PPARG: variants seen among roughly 807,000 people sequenced by gnomAD.
The protein encoded by PPARG is peroxisome proliferator-activated receptor gamma.
Under a neutral mutation model 39.2 loss-of-function variants are expected in PPARG, and 17 were observed. The ratio of observed to expected loss-of-function variants is 0.43; its 90% CI spans 0.30 to 0.65. The LOEUF (loss-of-function observed/expected upper bound fraction) is 0.65. Among genes scored for constraint, PPARG ranks in the 30% least tolerant of loss-of-function variants. The probability of loss-of-function intolerance (pLI) is 0.13; values close to 1 mark genes in which losing one functional copy is unlikely to be tolerated. For missense variants in PPARG, 406 were observed against 585.9 expected (o/e 0.69, Z 3.17); for synonymous variants, 223 against 215.7 (o/e 1.03, Z -0.30).
intron 1 of PPARG, among the ~76,000 whole-genome samples, chr3:12,301,044 T>TTGATCACAAAAACATA (rs1280669542): frequency 5.9e-5 from 9 of 152,276 alleles, no homozygotes; most frequent in Non-Finnish European, 1.0e-4. Context: ...TGTATTGTTT[T>TTGATCACAAAAACATA]TGTGATACAT....
chr3:12,426,854 T>G (rs1249823270), intron 7 of PPARG, among the ~76,000 whole-genome samples: 2 of 152,218 alleles, frequency 1.3e-5, no homozygotes, highest in African/African-American at 4.8e-5. Context: ...GTTAAGGAAC[T>G]TGCCCAAGGT....
rs1326880981 is a variant in PPARG, at chr3:12,405,896, C to A, written c.544C>A (p.Arg182=). 1 of 1,613,962 alleles carries A rather than the reference C, an allele frequency of 6.2e-7. No individual in the cohort carries two copies. The highest frequency in any genetic ancestry group is 1.7e-5 in the Admixed American group (1 of 60,024). The part of the protein sequence containing the change: ...GMSHNAIRFG[R]MPQAEKEKLL... ...TTCCTCTATAGCCATCAGGTTTGGG[C>A]GGATGCCACAGGCCGAGAAGGAGAA... Residue 182 remains arginine (R), a synonymous_variant, in exon 6 of 8, where the codon CGG becomes AGG. Transcript: ENST00000651735.
chr3:12,318,495 A>G (rs1009077110), intron 2 of PPARG, among the ~76,000 whole-genome samples: 1 of 152,214 alleles, frequency 6.6e-6, no homozygotes. Flanking sequence ...TTGTGGTTTG[A>G]ATATTTGAGA....
chr3:12,330,997 C>T (rs892597042), intron 2 of PPARG, among the ~76,000 whole-genome samples: 1 of 152,132 alleles, frequency 6.6e-6, no homozygotes, highest in Non-Finnish European at 1.5e-5. Flanking sequence ...GGACATTTTC[C>T]TGGAATGAGA....
At position 12,392,856 on chromosome 3, in the gene PPARG, A is replaced by G; in HGVS notation, c.529+104A>G. 3 of 1,400,780 alleles carry G rather than the reference A, an allele frequency of 2.1e-6. No homozygotes were observed. The South Asian group carries it at 3.5e-5, about 17-fold the overall frequency. 86.8% of individuals were successfully genotyped at this position (1,400,780 alleles called of 1,614,324 possible). The stretch of plus-strand genomic sequence containing the variant: ...AAAATGTGTACAGTTTTTCCACCAA[A>G]TGCCAGAATTTAGAATATTGCATGG... On this transcript the variant is annotated intron_variant, in intron 5 of 7. Transcript: ENST00000651735.
intron 2 of PPARG, among the ~76,000 whole-genome samples, chr3:12,321,190 C>G (rs1035588016): frequency 1.3e-5 from 2 of 152,178 alleles, no homozygotes; most frequent in African/African-American, 4.8e-5. Flanking sequence ...CGTGGACTCA[C>G]TTCCTTTAAG....
At chr3:12,429,573 A>G (rs978575675) in intron 7 of PPARG, among the ~76,000 whole-genome samples, 4 of 145,958 alleles carry the variant, frequency 2.7e-5, no homozygotes, top group Admixed American at 6.8e-5. Flanking sequence ...AAAAAAAAAA[A>G]GAAGCAGGTG....
At chr3:12,372,067 G>A (rs1277326213) in intron 2 of PPARG, 1 of 720,066 alleles carries the variant, frequency 1.4e-6, no homozygotes, top group Non-Finnish European at 2.6e-6. Context: ...GTCTTTTAAG[G>A]TCATTTCCAA....
At chr3:12,294,724 A>G (rs1197615786) in intron 1 of PPARG, among the ~76,000 whole-genome samples, 1 of 151,944 alleles carries the variant, frequency 6.6e-6, no homozygotes, top group Non-Finnish European at 1.5e-5. Context: ...GAGAAACCCC[A>G]CCTCTACTAA....
intron 2 of PPARG, among the ~76,000 whole-genome samples, chr3:12,356,445 G>T (rs1341623436): frequency 1.3e-5 from 2 of 152,184 alleles, no homozygotes. Context: ...GTTCCCACAA[G>T]TGGTGAATGG....
At chr3:12,369,944 C>G (rs2049150158) in intron 2 of PPARG, among the ~76,000 whole-genome samples, 1 of 152,318 alleles carries the variant, frequency 6.6e-6, no homozygotes, top group East Asian at 1.9e-4. Context: ...ACCTGGCCTT[C>G]TTCCTCCTGC....
At position 12,434,171 on chromosome 3, in the gene PPARG, A is replaced by G. The variant is rs760875954; in HGVS notation, c.*26A>G. 5 of 1,614,066 alleles carry G rather than the reference A, an allele frequency of 3.1e-6. No homozygotes were observed. The highest frequency in any genetic ancestry group is 1.1e-5 in the South Asian group (1 of 91,058). ...CAGAGAGTCCTGAGCCACTGCCAAC[A>G]TTTCCCTTCTTCCAGTTGCACTATT... On this transcript the variant is annotated 3_prime_UTR_variant, in exon 8 of 8. Coordinates refer to ENST00000651735, the MANE Select transcript of PPARG (RefSeq NM_138711.6). The surrounding 1 kb of genome is among the most constrained non-coding windows in gnomAD (Gnocchi z 4.2).
chr3:12,314,592 T>C (rs1044790363), intron 2 of PPARG, among the ~76,000 whole-genome samples: 1 of 152,132 alleles, frequency 6.6e-6, no homozygotes, highest in Non-Finnish European at 1.5e-5. Context: ...TACAAACACA[T>C]TCTTCAAAAT....
chr3:12,343,985 T>G (rs1435054136), intron 2 of PPARG, among the ~76,000 whole-genome samples: 2 of 150,422 alleles, frequency 1.3e-5, no homozygotes, highest in Non-Finnish European at 2.9e-5. Context: ...CTCAGCCTCC[T>G]GAGTACCTGG....
chr3:12,417,263 A>G, intron 7 of PPARG, 109 bp downstream of exon 7: 1 of 1,106,914 alleles, frequency 9.0e-7, no homozygotes, highest in East Asian at 2.6e-5. Context: ...TTTAAGTGCC[A>G]GTGGCATGAT....
At chr3:12,404,703 C>T (rs2050595809) in intron 5 of PPARG, among the ~76,000 whole-genome samples, 1 of 152,180 alleles carries the variant, frequency 6.6e-6, no homozygotes, top group Non-Finnish European at 1.5e-5. Context: ...TACTCAGAGG[C>T]TGAGGCAGGA....
At chr3:12,425,322 A>G (rs1271101757) in intron 7 of PPARG, among the ~76,000 whole-genome samples, 1 of 152,112 alleles carries the variant, frequency 6.6e-6, no homozygotes, top group Non-Finnish European at 1.5e-5. Context: ...GTGTTTTGAG[A>G]TCACAGGTTT....
At chr3:12,337,337 G>T (rs2048041310) in intron 2 of PPARG, among the ~76,000 whole-genome samples, 1 of 152,148 alleles carries the variant, frequency 6.6e-6, no homozygotes, top group Non-Finnish European at 1.5e-5. Flanking sequence ...GAGTGAGTAG[G>T]TACATTGTTC....
At chr3:12,344,803 C>T (rs1392735225) in intron 2 of PPARG, 1 of 152,096 alleles carries the variant, frequency 6.6e-6, no homozygotes, top group Admixed American at 6.6e-5. Context: ...CTACTCTGTT[C>T]CAGACGCTGA....
Sources: gnomAD v4.1 joint callset for allele counts (sites outside exome capture counted in the v4.1 genomes callset) on GRCh38, gnomAD v4.1.1 for gene constraint, Gnocchi (gnomAD v3.1) non-coding constraint, MANE v1.5 for transcripts, NCBI Gene and HGNC (gene_info 2026-07-23, HGNC 2026-07-21) for gene names.